Variants in BID observed in about 807,000 individuals in gnomAD.
BID encodes BH3-interacting domain death agonist.
In BID, 19 loss-of-function variants were observed where a neutral mutation model predicts 17.4. The ratio of observed to expected loss-of-function variants is 1.09; its 90% CI spans 0.76 to 1.60. The LOEUF is 1.60. Among genes scored for constraint, BID ranks in the 40% most tolerant of loss-of-function variants. The pLI is 0.00. For missense variants in BID, 226 were observed against 256.0 expected (o/e 0.88, Z 0.80); for synonymous variants, 108 against 102.8 (o/e 1.05, Z -0.31).
intron 1 of BID, among the ~76,000 whole-genome samples, chr22:17,754,482 G>A (rs1242060611): frequency 1.3e-5 from 2 of 152,266 alleles, no homozygotes; most frequent in African/African-American, 4.8e-5. Context: ...TCACGAGTAT[G>A]CTCAGATGCC....
At chr22:17,742,867 C>T (rs8190321) in intron 3 of BID, among the ~76,000 whole-genome samples, 1 of 152,262 alleles carries the variant, frequency 6.6e-6, no homozygotes, top group Non-Finnish European at 1.5e-5. Flanking sequence ...AGCCTCCACT[C>T]GGGACAGCCC....
intron 3 of BID, among the ~76,000 whole-genome samples, chr22:17,742,025 C>T (rs1225343469): frequency 1.3e-5 from 2 of 152,242 alleles, no homozygotes; most frequent in African/African-American, 2.4e-5. Flanking sequence ...CGGACACGTC[C>T]TCTCTCCCTC....
At chr22:17,756,047 T>C (rs1391836253) in intron 1 of BID, among the ~76,000 whole-genome samples, 1 of 152,122 alleles carries the variant, frequency 6.6e-6, no homozygotes, top group Non-Finnish European at 1.5e-5. Context: ...TTTGTATTTT[T>C]AGCAGAGATG....
intron 3 of BID, chr22:17,740,076 G>C (rs771570679): frequency 6.2e-7 from 1 of 1,611,062 alleles, no homozygotes; most frequent in South Asian, 1.1e-5. Flanking sequence ...GCCCCTGCCC[G>C]AGTACCACTG....
chr22:17,771,715 CAGAA>C (rs1446361597), intron 1 of BID, among the ~76,000 whole-genome samples: 2 of 152,034 alleles, frequency 1.3e-5, no homozygotes, highest in East Asian at 3.8e-4. Context: ...CCAACGCAGG[CAGAA>C]AGAGAAAAGG....
intron 3 of BID, among the ~76,000 whole-genome samples, chr22:17,742,274 TGGA>T (rs137892254): frequency 0.34 from 51,304 of 151,878 alleles, 9,576 homozygotes; most frequent in Admixed American, 0.42. Context: ...AAGGCCGGCA[TGGA>T]GAAGAGCGAG....
At chr22:17,751,371 T>C (rs1014596455) in intron 1 of BID, among the ~76,000 whole-genome samples, 1 of 146,960 alleles carries the variant, frequency 6.8e-6, no homozygotes, top group African/African-American at 2.6e-5. Context: ...AGAGCGAGAC[T>C]CCGTCTCAAA....
intron 3 of BID, chr22:17,740,456 G>C: frequency 2.9e-6 from 1 of 342,134 alleles, no homozygotes. Context: ...TTGAGACGGA[G>C]TCTTGCTCTG....
chr22:17,744,767 G>A (rs986315188), intron 2 of BID, among the ~76,000 whole-genome samples: 12 of 152,200 alleles, frequency 7.9e-5, no homozygotes, highest in African/African-American at 2.9e-4. Context: ...TACTGACTGT[G>A]TTTGGGGGCT....
At chr22:17,757,536 G>C (rs1001689808) in intron 1 of BID, among the ~76,000 whole-genome samples, 6 of 151,106 alleles carry the variant, frequency 4.0e-5, no homozygotes, top group African/African-American at 1.5e-4. Context: ...GTGAAACCCC[G>C]TCTCTACTAA....
chr22:17,773,337 G>A lies in BID; in HGVS notation c.-59+1044C>T, dbSNP rs1346372618. Among the ~76,000 whole-genome samples the A allele has an allele frequency of 5.9e-5, 9 of 152,098 alleles. No individual in the cohort carries two copies. The East Asian group carries it at 1.7e-3, about 29-fold the overall frequency. On this transcript the variant is annotated intron_variant, in intron 1 of 5. Transcript: ENST00000622694. The surrounding 1 kb of genome is among the most constrained non-coding windows in gnomAD (Gnocchi z 4.4). ...GGTCATCACTCCCAGGGGACTGCAGGGCCCCAGGACGGCACACATTCAGGC... is the reference window on the plus strand; with the variant it reads ...GGTCATCACTCCCAGGGGACTGCAGAGCCCCAGGACGGCACACATTCAGGC...
Position 17,735,332 on chromosome 22 carries a change from C to G in BID, c.*248G>C. ...GTGTAGATTTACAGATGTGCAGATT[C>G]ATGTGTGGATGATATGAAGGCCATT... is the stretch of plus-strand genomic sequence containing the variant. On this transcript the variant is annotated 3_prime_UTR_variant, in exon 6 of 6. Transcript: ENST00000622694. 2 of 518,512 alleles carry G rather than the reference C, an allele frequency of 3.9e-6. No individual in the cohort carries two copies. Among genetic ancestry groups the G allele is most frequent in the South Asian group, 2.6e-5 (1 of 38,248 alleles). The allele number at this position is 518,512 out of a possible 1,614,324, so 32.1% of individuals were successfully genotyped here. A position where few individuals can be genotyped will look rare whatever the true frequency, so the allele number is the denominator to read the frequency against.
intron 1 of BID, among the ~76,000 whole-genome samples, chr22:17,755,659 G>T (rs1003992418): frequency 2.8e-4 from 42 of 151,828 alleles, no homozygotes; most frequent in African/African-American, 1.0e-3. Context: ...AAATTAGCCG[G>T]GTGTGGTGGC....
At chr22:17,740,936 G>A (rs919029195) in intron 3 of BID, 1 of 152,218 alleles carries the variant, frequency 6.6e-6, no homozygotes, top group African/African-American at 2.4e-5. Context: ...AATGGGCCCT[G>A]TACCTAGCTC....
In BID at chr22:17,762,774, T is replaced by G. The variant is rs538799938; in HGVS notation, c.-59+11607A>C. On this transcript the variant is annotated intron_variant, in intron 1 of 5. Transcript: ENST00000622694. Reference sequence around the variant, plus strand: ...CAGAATATAGGGATAAAAGCCTACTTAATCAAACGCTTTTTGGTTCCTCAA... The same window carrying G: ...CAGAATATAGGGATAAAAGCCTACTGAATCAAACGCTTTTTGGTTCCTCAA... Among the ~76,000 whole-genome samples, 9 of 152,234 alleles carry G rather than the reference T, an allele frequency of 5.9e-5. No homozygotes were observed. In the South Asian group the frequency reaches 1.9e-3, roughly 32 times the overall value.
chr22:17,739,813 C>G, intron 3 of BID: 1 of 586,350 alleles, frequency 1.7e-6, no homozygotes, highest in Non-Finnish European at 3.0e-6. Flanking sequence ...CTTCATGGCT[C>G]ACACCACACA....
intron 1 of BID, among the ~76,000 whole-genome samples, chr22:17,756,475 CTTTTCTTTCTTTCTTTCTT>C (rs1569047875): frequency 2.3e-3 from 230 of 100,862 alleles, no homozygotes; most frequent in African/African-American, 7.5e-3. Flanking sequence ...TTCTTTCTTT[CTTTTCTTTCTTTCTTTCTT>C]TCTCTCTCTC....
rs528388694 is a variant in BID, at chr22:17,754,924, C to G, written c.-58-4750G>C. Among the ~76,000 whole-genome samples, 175 of 151,682 alleles carry G rather than the reference C, an allele frequency of 1.2e-3. 3 individuals carry two copies. The highest frequency in any genetic ancestry group is 2.4e-3 in the Non-Finnish European group (160 of 67,926). ...GGACTACAGGTGTGTGCCACCACACCCGGCTAATTTTTGTATTTTTAGTAG... is the reference window on the plus strand; with the variant it reads ...GGACTACAGGTGTGTGCCACCACACGCGGCTAATTTTTGTATTTTTAGTAG... On this transcript the variant is annotated intron_variant, in intron 1 of 5. Transcript: ENST00000622694.
In BID at chr22:17,769,146, C is replaced by T. The variant is rs371062807; in HGVS notation, c.-59+5235G>A. ...GAGTCCAAGTCAGGGCAGAGCCTCACAGAGCACAGCAGGGCCTGTGCCGTG... is the reference window on the plus strand; with the variant it reads ...GAGTCCAAGTCAGGGCAGAGCCTCATAGAGCACAGCAGGGCCTGTGCCGTG... On this transcript the variant is annotated intron_variant, in intron 1 of 5. Coordinates refer to ENST00000622694, the MANE Select transcript of BID (RefSeq NM_001196.4). The surrounding 1 kb of genome is among the most constrained non-coding windows in gnomAD (Gnocchi z 4.8). Among the ~76,000 whole-genome samples, 2 of 152,256 alleles carry T rather than the reference C, an allele frequency of 1.3e-5. No individual in the cohort carries two copies. The highest frequency in any genetic ancestry group is 4.8e-5 in the African/African-American group (2 of 41,474).
Sources: gnomAD v4.1 joint callset for allele counts (sites outside exome capture counted in the v4.1 genomes callset) on GRCh38, gnomAD v4.1.1 for gene constraint, Gnocchi (gnomAD v3.1) non-coding constraint, MANE v1.5 for transcripts, NCBI Gene and HGNC (gene_info 2026-07-23, HGNC 2026-07-21) for gene names.